The following ZKSCAN7 variants were observed in gnomAD, a reference collection of about 807,000 sequenced individuals.
The protein encoded by ZKSCAN7 is zinc finger with KRAB and SCAN domains 7.
In ZKSCAN7, 38 loss-of-function variants were observed where a neutral mutation model predicts 65.3. The observed-to-expected ratio is 0.58, with a 90% confidence interval of 0.45 to 0.76. ZKSCAN7 has a LOEUF of 0.76. ZKSCAN7 is among the 30% of genes least tolerant of loss of function. The probability of loss-of-function intolerance (pLI) is 0.00; values close to 1 mark genes in which losing one functional copy is unlikely to be tolerated. For missense variants in ZKSCAN7, 815 were observed against 913.3 expected, an observed-to-expected ratio of 0.89 and a Z score of 1.39; for synonymous variants, 321 against 321.0, an observed-to-expected ratio of 1.00 and a Z score of 0.00.
At chr3:44,578,185 C>G (rs116222136) in intron 5 of ZKSCAN7, 2 of 1,520,760 alleles carry the variant, frequency 1.3e-6, no homozygotes, top group South Asian at 2.2e-5. Flanking sequence ...TTAGCCTTTG[C>G]GATGCTGAGC....
chr3:44,580,739 G>A (rs557305455), intron 5 of ZKSCAN7: 2 of 1,613,830 alleles, frequency 1.2e-6, no homozygotes, highest in Non-Finnish European at 1.7e-6. Context: ...TGTTGATGGT[G>A]CCCTGAGGAA....
intron 2 of ZKSCAN7, among the ~76,000 whole-genome samples, chr3:44,558,782 A>ATTTTTTTTTTTTTTTTTTTTTTTTTTTT (rs35709621): frequency 2.2e-5 from 2 of 92,712 alleles, no homozygotes; most frequent in African/African-American, 4.2e-5. Context: ...TTTCTTCTTC[A>ATTTTTTTTTTTTTTTTTTTTTTTTTTTT]TTTTTTTTTT....
intron 5 of ZKSCAN7, among the ~76,000 whole-genome samples, chr3:44,579,291 C>T (rs978758763): frequency 3.3e-5 from 5 of 152,254 alleles, no homozygotes; most frequent in African/African-American, 7.2e-5. Context: ...CGCTCCCGCT[C>T]CAGCTCCCCA....
At chr3:44,557,728 T>C (rs1699342434) in intron 2 of ZKSCAN7, 2 of 537,106 alleles carry the variant, frequency 3.7e-6, no homozygotes, top group South Asian at 4.8e-5. Context: ...ATGGTACTCC[T>C]GGCAGGCGGG....
chr3:44,571,857 C>A lies in ZKSCAN7; in HGVS notation c.*482C>A, dbSNP rs957124436. 2 of 987,650 alleles carry A rather than the reference C, an allele frequency of 2.0e-6. No homozygotes were observed. Among genetic ancestry groups the A allele is most frequent in the Admixed American group, 1.2e-4 (2 of 16,652 alleles). 61.2% of individuals were successfully genotyped at this position (987,650 alleles called of 1,614,324 possible). A position where few individuals can be genotyped will look rare whatever the true frequency, so the allele number is the denominator to read the frequency against. ...TCAGTTTTGTTCCCTATCTAGAAAA[C>A]ATTTTCTTCTGTTTGCTAATCTTTG... On this transcript the variant is annotated 3_prime_UTR_variant, in exon 6 of 6. Coordinates refer to ENST00000426540, the MANE Select transcript of ZKSCAN7 (RefSeq NM_001288590.2).
At chr3:44,556,398 G>A (rs925425736) in intron 1 of ZKSCAN7, among the ~76,000 whole-genome samples, 11 of 152,154 alleles carry the variant, frequency 7.2e-5, no homozygotes, top group African/African-American at 1.4e-4. Context: ...GAGTATGTGT[G>A]GCTTCTAAGT....
At position 44,571,594 on chromosome 3, in the gene ZKSCAN7, CTTTT is replaced by C; in HGVS notation, c.*225_*228del. On this transcript the variant is annotated 3_prime_UTR_variant, in exon 6 of 6. Transcript: ENST00000426540. ...CACATGTCATTGAATTGTAGGTTTC[CTTTT>C]TTTTTCTTTACTTTTAAATTTTAAC... 1 of 1,329,274 alleles carries C rather than the reference CTTTT, an allele frequency of 7.5e-7. No homozygotes were observed. Among genetic ancestry groups the C allele is most frequent in the Non-Finnish European group, 9.6e-7 (1 of 1,042,106 alleles). 82.3% of individuals were successfully genotyped at this position (1,329,274 alleles called of 1,614,324 possible).
chr3:44,560,527 T>C (rs1699441000), intron 2 of ZKSCAN7, among the ~76,000 whole-genome samples: 1 of 109,114 alleles, frequency 9.2e-6, no homozygotes, highest in Admixed American at 1.0e-4. Flanking sequence ...TTTTTTTTTT[T>C]TTTGAGACAA....
chr3:44,565,432 G>T (rs567123672), intron 2 of ZKSCAN7, 55 bp from the exon 3 acceptor site: 1 of 1,504,840 alleles, frequency 6.6e-7, no homozygotes, highest in East Asian at 2.4e-5. Flanking sequence ...GAGGTTTTGG[G>T]TTCAGTACCT....
intron 5 of ZKSCAN7, among the ~76,000 whole-genome samples, chr3:44,581,463 A>G (rs1343240623): frequency 6.6e-6 from 1 of 152,230 alleles, no homozygotes; most frequent in Non-Finnish European, 1.5e-5. Flanking sequence ...CATCAGATAA[A>G]TCACACGGGT....
At chr3:44,563,933 T>G (rs558951911) in intron 2 of ZKSCAN7, among the ~76,000 whole-genome samples, 1 of 152,208 alleles carries the variant, frequency 6.6e-6, no homozygotes, top group Non-Finnish European at 1.5e-5. Context: ...GCTTGGGAAC[T>G]ACAGAATCCA....
intron 2 of ZKSCAN7, among the ~76,000 whole-genome samples, chr3:44,561,733 G>T (rs1051011279): frequency 1.2e-4 from 18 of 152,294 alleles, no homozygotes; most frequent in Admixed American, 7.8e-4. Context: ...ACCAAGCAGG[G>T]CAGTCATTAA....
At chr3:44,565,458 T>G in intron 2 of ZKSCAN7, 29 bp from the exon 3 acceptor site, 4 of 1,569,082 alleles carry the variant, frequency 2.5e-6, no homozygotes, top group East Asian at 2.3e-5. Context: ...GATGCTCTTT[T>G]GAACCCAATT....
chr3:44,570,902 G>C lies in ZKSCAN7; in HGVS notation c.1792G>C (p.Glu598Gln), dbSNP rs757722057. 64 of 1,613,988 alleles carry C rather than the reference G, an allele frequency of 4.0e-5. No homozygotes were observed. The highest frequency in any genetic ancestry group is 5.3e-5 in the Non-Finnish European group (62 of 1,180,024). The change falls in exon 6 of 6, where the codon GAG (glutamate) becomes CAG (glutamine). Residue 598 changes from glutamate to glutamine, a missense_variant. Around this residue, in one of 3 missense-constraint regions of ZKSCAN7, gnomAD observed 578 missense variants for 629.5 expected, o/e 0.92. Coordinates refer to ENST00000426540, the MANE Select transcript of ZKSCAN7 (RefSeq NM_001288590.2). ...FNQNSQLIEHERIHTGEKPFE... is the reference protein window; with the variant it reads ...FNQNSQLIEHQRIHTGEKPFE... Reference sequence around the variant, plus strand: ...TCAGAACTCTCAACTCATTGAGCATGAGCGAATTCATACTGGAGAAAAACC... The same window carrying C: ...TCAGAACTCTCAACTCATTGAGCATCAGCGAATTCATACTGGAGAAAAACC...
At chr3:44,558,835 A>G (rs1252340359) in intron 2 of ZKSCAN7, among the ~76,000 whole-genome samples, 1 of 128,420 alleles carries the variant, frequency 7.8e-6, no homozygotes, top group Non-Finnish European at 1.5e-5. Flanking sequence ...GCCAGAATGC[A>G]GTGGCATGAA....
At chr3:44,564,184 T>C (rs559894267) in intron 2 of ZKSCAN7, among the ~76,000 whole-genome samples, 1 of 152,324 alleles carries the variant, frequency 6.6e-6, no homozygotes, top group South Asian at 2.1e-4. Context: ...AACCATGAGA[T>C]TGTGAGGAGC....
downstream of ZKSCAN7, among the ~76,000 whole-genome samples, chr3:44,572,388 GTA>G (rs1414016260): frequency 4.8e-4 from 60 of 126,156 alleles, no homozygotes; most frequent in East Asian, 3.4e-3. Flanking sequence ...GTGTGTGTGT[GTA>G]TGTATGCAAA....
rs375238357 is a variant in ZKSCAN7, at chr3:44,571,470, G to A, written c.*95G>A. The A allele has an allele frequency of 2.5e-4, 404 of 1,596,686 alleles. 4 individuals are homozygous for A. In the East Asian group the frequency reaches 5.3e-3, roughly 21 times the overall value. The stretch of plus-strand genomic sequence containing the variant: ...GTGGTTTCCCGGAGCCAGTAGTCAC[G>A]GTGGACCATTCCCTACTTGCTTTTC... On this transcript the variant is annotated 3_prime_UTR_variant, in exon 6 of 6. Coordinates refer to ENST00000426540, the MANE Select transcript of ZKSCAN7 (RefSeq NM_001288590.2).
In ZKSCAN7 at chr3:44,555,253, G is replaced by C. The variant is rs916503364; in HGVS notation, c.-347G>C. The C allele has an allele frequency of 1.3e-5, 2 of 152,266 alleles. No homozygotes were observed. Among genetic ancestry groups the C allele is most frequent in the African/African-American group, 4.8e-5 (2 of 41,474 alleles). The allele number at this position is 152,266 out of a possible 1,614,324, so 9.4% of individuals were successfully genotyped here. A position where few individuals can be genotyped will look rare whatever the true frequency, so the allele number is the denominator to read the frequency against. The stretch of plus-strand genomic sequence containing the variant: ...CAGTAGAGTGTCCGGCTTCGGTGCC[G>C]AGTGCCACCGCGAGTGGGCCGAGAC... On this transcript the variant is annotated 5_prime_UTR_variant, in exon 1 of 6. Transcript: ENST00000426540.
Sources: gnomAD v4.1 joint callset for allele counts (sites outside exome capture counted in the v4.1 genomes callset) on GRCh38, gnomAD v4.1.1 for gene constraint, gnomAD v4.1.1 regional missense constraint, MANE v1.5 for transcripts, NCBI Gene and HGNC (gene_info 2026-07-23, HGNC 2026-07-21) for gene names.